ZNF777: variants seen among roughly 807,000 people sequenced by gnomAD.
ZNF777 encodes the protein zinc finger protein 777.
In ZNF777, 7 loss-of-function variants were observed where a neutral mutation model predicts 72.1. The observed-to-expected ratio is 0.10, with a 90% CI of 0.06 to 0.18. The LOEUF is 0.18. Among genes scored for constraint, ZNF777 ranks in the 10% least tolerant of loss-of-function variants. The probability of loss-of-function intolerance (pLI) is 1.00; values close to 1 mark genes in which losing one functional copy is unlikely to be tolerated. For synonymous variants in ZNF777, 545 were observed against 483.5 expected (o/e 1.13, Z -1.67); for missense variants, 828 against 1,128.6 (o/e 0.73, Z 3.82).
rs1351675498 is a variant in ZNF777 at position 149,448,510 on chromosome 7, T to TATATATATATATATATATATAA, written c.1087+2488_1087+2489insTTATATATATATATATATATAT. 9.3e-4 allele frequency among the ~76,000 whole-genome samples: 114 copies of TATATATATATATATATATATAA among 122,308 alleles called. 2 individuals are homozygous for TATATATATATATATATATATAA. Among genetic ancestry groups the TATATATATATATATATATATAA allele is most frequent in the African/African-American group, 3.3e-3 (86 of 26,328 alleles). 80.2% of individuals were successfully genotyped at this position (122,308 alleles called of 152,430 possible). A position where few individuals can be genotyped will look rare whatever the true frequency, so the allele number is the denominator to read the frequency against. The stretch of plus-strand genomic sequence containing the variant: ...CTATATATATATATATATATATATA[T>TATATATATATATATATATATAA]AACTATATATAGTTATACATATAGT... On this transcript the variant is annotated intron_variant, in intron 4 of 5. Transcript: ENST00000247930.
chr7:149,457,007 G>A (rs1799846859), intron 1 of ZNF777, among the ~76,000 whole-genome samples: 1 of 152,154 alleles, frequency 6.6e-6, no homozygotes, highest in African/African-American at 2.4e-5. Flanking sequence ...GTTCCACCCT[G>A]GGGTTTCCGA....
rs1229458965 is a variant in ZNF777 at position 149,431,676 on chromosome 7, G to A, written c.*100C>T. ...AGGGGGAGCTCACGGCAAAGGGGCTGGGGGGCGCCCCGCCCCCGCCCGCTG... is the reference window on the plus strand; with the variant it reads ...AGGGGGAGCTCACGGCAAAGGGGCTAGGGGGCGCCCCGCCCCCGCCCGCTG... On this transcript the variant is annotated 3_prime_UTR_variant, in exon 6 of 6. Transcript: ENST00000247930. 1 of 1,097,720 alleles carries A rather than the reference G, an allele frequency of 9.1e-7. No individual in the cohort carries two copies. The highest frequency in any genetic ancestry group is 1.7e-5 in the African/African-American group (1 of 57,334). The allele number at this position is 1,097,720 out of a possible 1,614,324, so 68.0% of individuals were successfully genotyped here. A position where few individuals can be genotyped will look rare whatever the true frequency, so the allele number is the denominator to read the frequency against.
At chr7:149,459,576 A>AT (rs959848777) in intron 1 of ZNF777, 1 of 952,322 alleles carries the variant, frequency 1.1e-6, no homozygotes, top group African/African-American at 1.8e-5. Context: ...GGCCGCCGCC[A>AT]GAGCCACCCC....
rs1799421768 is a variant in ZNF777 at position 149,436,894 on chromosome 7, T to A, written c.1088-68A>T. 6.5e-7 allele frequency: 1 copy of A among 1,546,876 alleles called. No homozygotes were observed. The highest frequency in any genetic ancestry group is 2.3e-5 in the East Asian group (1 of 44,032). On this transcript the variant is annotated intron_variant, in intron 4 of 5. Coordinates refer to ENST00000247930, the MANE Select transcript of ZNF777 (RefSeq NM_015694.3). The surrounding 1 kb of genome is among the most constrained non-coding windows in gnomAD (Gnocchi z 5.0). ...GAATGTTCATGCCAACTGCCCAGGT[T>A]TCTGCAGCCCTACAATTTACATCTC...
Position 149,460,910 on chromosome 7 carries a change from G to T in ZNF777, c.-111C>A, listed in dbSNP as rs865976801. 1 of 152,290 alleles carries T rather than the reference G, an allele frequency of 6.6e-6. No homozygotes were observed. Among genetic ancestry groups the T allele is most frequent in the African/African-American group, 2.4e-5 (1 of 41,468 alleles). 9.4% of individuals were successfully genotyped at this position (152,290 alleles called of 1,614,324 possible). A position where few individuals can be genotyped will look rare whatever the true frequency, so the allele number is the denominator to read the frequency against. ...CGCGCAGCCCAGGCGACGTGCTGGG[G>T]TCTGGAGGCGGCTTGATTGGCTCCG... On this transcript the variant is annotated 5_prime_UTR_variant, in exon 1 of 6. Coordinates refer to ENST00000247930, the MANE Select transcript of ZNF777 (RefSeq NM_015694.3). The surrounding 1 kb of genome is among the most constrained non-coding windows in gnomAD (Gnocchi z 6.1).
chr7:149,433,061 GA>G, intron 5 of ZNF777, 129 bp from the exon 6 acceptor site: 3 of 1,370,222 alleles, frequency 2.2e-6, no homozygotes, highest in Non-Finnish European at 1.9e-6. Flanking sequence ...CTTCTTTTGG[GA>G]AAAGTCCCCT....
chr7:149,432,442 C>A lies in ZNF777; in HGVS notation c.1830G>T (p.Thr610=). The change falls in exon 6 of 6, where the codon ACG becomes ACT. Residue 610 remains threonine, a synonymous_variant. Transcript: ENST00000247930. Reference sequence around the variant, plus strand: ...GCTTGAGCGCGTGCTTGGGGTTGAACGTGGGCCCGCGTTCGGGTGAGACGC... The same window carrying A: ...GCTTGAGCGCGTGCTTGGGGTTGAAAGTGGGCCCGCGTTCGGGTGAGACGC... The part of the protein sequence containing the change: ...GGCVSPERGP[T]FNPKHALKPR... The A allele has an allele frequency of 1.9e-6, 3 of 1,613,438 alleles. No individual in the cohort carries two copies. The highest frequency in any genetic ancestry group is 1.7e-6 in the Non-Finnish European group (2 of 1,179,886).
intron 4 of ZNF777, among the ~76,000 whole-genome samples, chr7:149,445,703 T>G (rs1408037907): frequency 6.6e-6 from 1 of 152,200 alleles, no homozygotes; most frequent in Non-Finnish European, 1.5e-5. Context: ...CTGTGCCTGG[T>G]GCCCATGTCC....
chr7:149,441,745 A>C (rs561360382), intron 4 of ZNF777, among the ~76,000 whole-genome samples: 3 of 152,200 alleles, frequency 2.0e-5, no homozygotes, highest in Admixed American at 1.3e-4. Flanking sequence ...AAGTGATATA[A>C]TGCTATATTT....
intron 5 of ZNF777, among the ~76,000 whole-genome samples, chr7:149,433,926 G>T (rs573711255): frequency 6.6e-6 from 1 of 152,326 alleles, no homozygotes; most frequent in East Asian, 1.9e-4. Flanking sequence ...CCAGCTTTGT[G>T]TGACATAAGA....
intron 3 of ZNF777, among the ~76,000 whole-genome samples, chr7:149,451,961 A>C (rs1012819253): frequency 2.0e-5 from 3 of 152,168 alleles, no homozygotes; most frequent in African/African-American, 7.2e-5. Flanking sequence ...TGGCCAATAA[A>C]TATATAAAAA....
rs1585700173 is a variant in ZNF777 at position 149,450,883 on chromosome 7, C to G, written c.1087+116G>C. The G allele has an allele frequency of 5.6e-6, 5 of 897,868 alleles. No individual in the cohort carries two copies. The East Asian group carries it at 1.3e-4, about 24-fold the overall frequency. 55.6% of individuals were successfully genotyped at this position (897,868 alleles called of 1,614,324 possible). On this transcript the variant is annotated intron_variant, in intron 4 of 5. Transcript: ENST00000247930. ...GCAGGTCCTGGCACCTGCGGGCCTC[C>G]TTCCTGCTAACATATCCTGGCAGGG...
In ZNF777 at chr7:149,431,444, T is replaced by C. The variant is rs1479905838; in HGVS notation, c.*332A>G. ...TTATAAAGTTCTATCCCCAACTAGA[T>C]GGGCCCTACACCGCCCCTCTGAGTG... is the stretch of plus-strand genomic sequence containing the variant. On this transcript the variant is annotated 3_prime_UTR_variant, in exon 6 of 6. Coordinates refer to ENST00000247930, the MANE Select transcript of ZNF777 (RefSeq NM_015694.3). 2.3e-6 allele frequency: 1 copy of C among 439,262 alleles called. No homozygotes were observed. Among genetic ancestry groups the C allele is most frequent in the African/African-American group, 2.0e-5 (1 of 48,884 alleles). The allele number at this position is 439,262 out of a possible 1,614,324, so 27.2% of individuals were successfully genotyped here.
At chr7:149,453,193 G>A (rs1051318513) in intron 3 of ZNF777, among the ~76,000 whole-genome samples, 3 of 152,038 alleles carry the variant, frequency 2.0e-5, no homozygotes, top group Admixed American at 6.5e-5. Flanking sequence ...TTACCTCTGG[G>A]GAGTGGTACT....
At chr7:149,448,589 A>ATAAC (rs1208891337) in intron 4 of ZNF777, among the ~76,000 whole-genome samples, 2 of 52,400 alleles carry the variant, frequency 3.8e-5, no homozygotes, top group Non-Finnish European at 7.8e-5. Context: ...CTATATATAT[A>ATAAC]TATATATATA....
chr7:149,448,300 T>C (rs1585697809), intron 4 of ZNF777, among the ~76,000 whole-genome samples: 2 of 151,314 alleles, frequency 1.3e-5, no homozygotes, highest in South Asian at 4.2e-4. Flanking sequence ...ACGTCATCTC[T>C]ACTAAAGAAA....
intron 1 of ZNF777, chr7:149,459,586 C>A: frequency 1.0e-6 from 1 of 969,418 alleles, no homozygotes; most frequent in Non-Finnish European, 1.2e-6. Flanking sequence ...AGAGCCACCC[C>A]CTCCCCGTCC....
At chr7:149,459,681 G>A (rs939589144) in intron 1 of ZNF777, 41 of 985,076 alleles carry the variant, frequency 4.2e-5, no homozygotes, top group Non-Finnish European at 4.9e-5. Flanking sequence ...GGGCCGGCAG[G>A]GCGGGTCGCC....
In ZNF777 at chr7:149,431,704, C is replaced by A. The variant is rs1458524143; in HGVS notation, c.*72G>T. 12 of 1,180,602 alleles carry A rather than the reference C, an allele frequency of 1.0e-5. No homozygotes were observed. The South Asian group carries it at 1.9e-4, about 19-fold the overall frequency. 73.1% of individuals were successfully genotyped at this position (1,180,602 alleles called of 1,614,324 possible). On this transcript the variant is annotated 3_prime_UTR_variant, in exon 6 of 6. Coordinates refer to ENST00000247930, the MANE Select transcript of ZNF777 (RefSeq NM_015694.3). The stretch of plus-strand genomic sequence containing the variant: ...GGGCGCCCCGCCCCCGCCCGCTGGG[C>A]TCGGGCCTGGCGGTGTCCGAGGGGG...
Sources: gnomAD v4.1 joint callset for allele counts (sites outside exome capture counted in the v4.1 genomes callset) on GRCh38, gnomAD v4.1.1 for gene constraint, Gnocchi (gnomAD v3.1) non-coding constraint, MANE v1.5 for transcripts, NCBI Gene and HGNC (gene_info 2026-07-23, HGNC 2026-07-21) for gene names.